Variants in PTPRG observed in about 807,000 individuals in gnomAD.
PTPRG encodes receptor-type tyrosine-protein phosphatase gamma.
Under a neutral mutation model 165.3 loss-of-function variants are expected in PTPRG, and 102 were observed. That is an observed-to-expected ratio of 0.62 (90% confidence interval 0.53 to 0.73). The LOEUF is 0.73. Ranked by LOEUF, PTPRG falls within the 30% of genes least tolerant of loss-of-function variation. The probability of loss-of-function intolerance (pLI) is 0.00; values close to 1 mark genes in which losing one functional copy is unlikely to be tolerated. For synonymous variants in PTPRG, 675 were observed against 669.5 expected, an observed-to-expected ratio of 1.01 and a Z score of -0.13; for missense variants, 1,866 against 1,861.4, an observed-to-expected ratio of 1.00 and a Z score of -0.05.
chr3:61,962,820 T>C (rs2040183965), intron 2 of PTPRG, among the ~76,000 whole-genome samples: 1 of 152,176 alleles, frequency 6.6e-6, no homozygotes, highest in African/African-American at 2.4e-5. Context: ...ACGGTACTCA[T>C]ATTCCGCTTT....
chr3:62,041,798 T>C (rs1021532017), intron 4 of PTPRG, among the ~76,000 whole-genome samples: 1 of 152,224 alleles, frequency 6.6e-6, no homozygotes, highest in East Asian at 1.9e-4. Flanking sequence ...GGTGCAGATA[T>C]GGACTTTGAT....
At chr3:61,992,990 C>T (rs576041289) in intron 3 of PTPRG, among the ~76,000 whole-genome samples, 19 of 152,154 alleles carry the variant, frequency 1.2e-4, no homozygotes, top group African/African-American at 4.1e-4. Flanking sequence ...TAACACGCCA[C>T]ATTAGTTCAT....
chr3:61,927,751 G>A (rs1019436633), intron 2 of PTPRG, among the ~76,000 whole-genome samples: 7 of 152,098 alleles, frequency 4.6e-5, no homozygotes, highest in Non-Finnish European at 1.0e-4. Context: ...TAAAATTGAG[G>A]CCTCCTTGAA....
At chr3:61,918,995 C>A (rs190459397) in intron 2 of PTPRG, among the ~76,000 whole-genome samples, 1 of 152,186 alleles carries the variant, frequency 6.6e-6, no homozygotes, top group Non-Finnish European at 1.5e-5. Context: ...TGGGACTAGG[C>A]AATCTCTGTA....
At chr3:62,024,743 A>G (rs914481403) in intron 4 of PTPRG, among the ~76,000 whole-genome samples, 21 of 152,174 alleles carry the variant, frequency 1.4e-4, no homozygotes, top group African/African-American at 5.1e-4. Flanking sequence ...GTGTTATCTG[A>G]TAGATAAGGA....
intron 27 of PTPRG, 61 bp from the exon 28 acceptor site, chr3:62,282,666 C>A: frequency 2.0e-6 from 3 of 1,518,558 alleles, no homozygotes; most frequent in South Asian, 2.7e-5. Context: ...AAGTTCTAGT[C>A]ATTAGATTGT....
chr3:61,911,321 A>C (rs1220959681), intron 2 of PTPRG, among the ~76,000 whole-genome samples: 4 of 152,226 alleles, frequency 2.6e-5, no homozygotes, highest in Non-Finnish European at 5.9e-5. Flanking sequence ...CACCAGAGAC[A>C]TAGAAGTCCA....
chr3:62,047,713 A>G (rs554023352), intron 4 of PTPRG, among the ~76,000 whole-genome samples: 38 of 152,338 alleles, frequency 2.5e-4, no homozygotes, highest in African/African-American at 8.9e-4. Context: ...CTGGATGTCA[A>G]TGCTGAGCTC....
chr3:61,827,684 G>T (rs1176856350), intron 2 of PTPRG, among the ~76,000 whole-genome samples: 1 of 152,118 alleles, frequency 6.6e-6, no homozygotes, highest in Admixed American at 6.5e-5. Flanking sequence ...TACTGGGAAG[G>T]CCCAATATTT....
intron 2 of PTPRG, among the ~76,000 whole-genome samples, chr3:61,803,445 T>G (rs886244702): frequency 7.2e-6 from 1 of 139,480 alleles, no homozygotes; most frequent in African/African-American, 3.1e-5. Context: ...ATTGGCCATA[T>G]GTGCCTGGTA....
At chr3:62,281,463 G>A (rs560933378) in intron 26 of PTPRG, 100 bp from the exon 27 acceptor site, 8 of 1,060,376 alleles carry the variant, frequency 7.5e-6, no homozygotes, top group Non-Finnish European at 9.3e-6. Flanking sequence ...TTTAAACGAT[G>A]GCTTGAGAGG....
rs542253129 is a variant in PTPRG, at chr3:62,103,638, G to A, written c.615+25380G>A. Among the ~76,000 whole-genome samples the A allele has an allele frequency of 2.6e-5, 4 of 152,290 alleles. No homozygotes were observed. In the East Asian group the frequency reaches 7.7e-4, roughly 29 times the overall value. ...AGATAGATCCTCTTTTCATTCTGAT[G>A]TCATTTTGTGACAGTTGGTGAATAA... is the stretch of plus-strand genomic sequence containing the variant. On this transcript the variant is annotated intron_variant, in intron 5 of 29. Transcript: ENST00000474889.
rs1700588664 is a variant in PTPRG at position 62,219,130 on chromosome 3, T to G, written c.2288+147T>G. On this transcript the variant is annotated intron_variant, in intron 13 of 29. Coordinates refer to ENST00000474889, the MANE Select transcript of PTPRG (RefSeq NM_002841.4). This position sits in a 1 kb window ranked among gnomAD's most constrained non-coding sequence, Gnocchi z 4.5. ...TCTTGCCACCCGGAAGGCCATCTTG[T>G]CTCTGTTAGATGATGGCAGGGCCAG... is the stretch of plus-strand genomic sequence containing the variant. 2 of 1,125,864 alleles carry G rather than the reference T, an allele frequency of 1.8e-6. No individual in the cohort carries two copies. The highest frequency in any genetic ancestry group is 2.5e-6 in the Non-Finnish European group (2 of 795,092). 69.7% of individuals were successfully genotyped at this position (1,125,864 alleles called of 1,614,324 possible). A position where few individuals can be genotyped will look rare whatever the true frequency, so the allele number is the denominator to read the frequency against.
At chr3:62,168,845 C>T (rs971216626) in intron 8 of PTPRG, among the ~76,000 whole-genome samples, 1 of 152,176 alleles carries the variant, frequency 6.6e-6, no homozygotes, top group Non-Finnish European at 1.5e-5. Context: ...CAGGAACAAT[C>T]AGGTCGCCCA....
chr3:61,606,013 T>C (rs1422468580), intron 1 of PTPRG, among the ~76,000 whole-genome samples: 2 of 152,262 alleles, frequency 1.3e-5, no homozygotes, highest in East Asian at 1.9e-4. Context: ...CCTCACCCCA[T>C]GTGGTGTATC....
At position 61,952,092 on chromosome 3, in the gene PTPRG, T is replaced by C. The variant is rs1208904983; in HGVS notation, c.191-37533T>C. Among the ~76,000 whole-genome samples the C allele has an allele frequency of 2.4e-5, 3 of 126,212 alleles. No homozygotes were observed. The East Asian group carries it at 7.7e-4, about 32-fold the overall frequency. The allele number at this position is 126,212 out of a possible 152,430, so 82.8% of individuals were successfully genotyped here. A position where few individuals can be genotyped will look rare whatever the true frequency, so the allele number is the denominator to read the frequency against. ...GAGATCACGCCACAGCACTGCAGCC[T>C]GGCGACAGATCGACACTCCACCTCA... On this transcript the variant is annotated intron_variant, in intron 2 of 29. Coordinates refer to ENST00000474889, the MANE Select transcript of PTPRG (RefSeq NM_002841.4).
At chr3:61,645,320 C>T (rs1443757455) in intron 1 of PTPRG, among the ~76,000 whole-genome samples, 1 of 152,166 alleles carries the variant, frequency 6.6e-6, no homozygotes, top group Admixed American at 6.5e-5. Context: ...GTGTGTTTGC[C>T]CACCTGTTGT....
At chr3:62,284,053 A>C (rs531219676) in intron 28 of PTPRG, among the ~76,000 whole-genome samples, 1 of 152,198 alleles carries the variant, frequency 6.6e-6, no homozygotes, top group South Asian at 2.1e-4. Context: ...GTTACAGCAT[A>C]AAGTTAGGGC....
At chr3:61,872,251 G>T (rs1018661733) in intron 2 of PTPRG, among the ~76,000 whole-genome samples, 1 of 152,164 alleles carries the variant, frequency 6.6e-6, no homozygotes, top group Admixed American at 6.5e-5. Context: ...TGGGCACCTG[G>T]AGTTCTGGCA....
Sources: gnomAD v4.1 joint callset for allele counts (sites outside exome capture counted in the v4.1 genomes callset) on GRCh38, gnomAD v4.1.1 for gene constraint, Gnocchi (gnomAD v3.1) non-coding constraint, MANE v1.5 for transcripts, NCBI Gene and HGNC (gene_info 2026-07-23, HGNC 2026-07-21) for gene names.